Variants in LRRC4C observed in about 807,000 individuals in gnomAD.
LRRC4C encodes leucine rich repeat containing 4C.
A neutral mutation model predicts 33.6 loss-of-function variants in LRRC4C; 5 were observed. The ratio of observed to expected loss-of-function variants is 0.15; its 90% CI spans 0.08 to 0.31. LRRC4C has a LOEUF of 0.31. Among genes scored for constraint, LRRC4C ranks in the 10% least tolerant of loss-of-function variants. The pLI is 1.00. For missense variants in LRRC4C, 560 were observed against 796.7 expected (o/e 0.70, Z 3.58); for synonymous variants, 329 against 302.0 (o/e 1.09, Z -0.93).
At position 40,893,641 on chromosome 11, in the gene LRRC4C, A is replaced by G. The variant is rs193194639; in HGVS notation, c.-407+39994T>C. On this transcript the variant is annotated intron_variant, in intron 2 of 6. Coordinates refer to ENST00000528697, the MANE Select transcript of LRRC4C (RefSeq NM_001258419.2). The stretch of plus-strand genomic sequence containing the variant: ...TGATTTAATCTCACAGGCACTTATT[A>G]AGGGCATATAATTGGTTTTACACAG... 6.6e-5 allele frequency among the ~76,000 whole-genome samples: 10 copies of G among 152,220 alleles called. No individual in the cohort carries two copies. In the East Asian group the frequency reaches 1.7e-3, roughly 26 times the overall value.
At chr11:40,756,757 A>G (rs142028430) in intron 2 of LRRC4C, among the ~76,000 whole-genome samples, 1 of 152,044 alleles carries the variant, frequency 6.6e-6, no homozygotes, top group African/African-American at 2.4e-5. Context: ...ATTTTCACAA[A>G]TATTACCTAG....
chr11:40,534,082 T>C (rs902102548), intron 3 of LRRC4C, among the ~76,000 whole-genome samples: 4 of 152,164 alleles, frequency 2.6e-5, no homozygotes, highest in Non-Finnish European at 4.4e-5. Flanking sequence ...ACTTATTAGA[T>C]AAGTGAATTC....
intron 3 of LRRC4C, among the ~76,000 whole-genome samples, chr11:40,620,218 A>G (rs187242541): frequency 4.0e-4 from 61 of 151,842 alleles, no homozygotes; most frequent in Non-Finnish European, 6.3e-4. Flanking sequence ...GACCTCTTCT[A>G]TGCTTTCCAT....
At chr11:40,193,521 A>T (rs990754422) in intron 5 of LRRC4C, among the ~76,000 whole-genome samples, 1 of 152,208 alleles carries the variant, frequency 6.6e-6, no homozygotes, top group Admixed American at 6.5e-5. Context: ...AAAGGCTGAA[A>T]ATTCCAAAAA....
At chr11:40,505,392 G>T (rs1954983170) in intron 3 of LRRC4C, among the ~76,000 whole-genome samples, 1 of 152,120 alleles carries the variant, frequency 6.6e-6, no homozygotes, top group South Asian at 2.1e-4. Context: ...AACAACAATA[G>T]ATTTACTGCC....
At chr11:40,684,293 A>G (rs1388368283) in intron 2 of LRRC4C, among the ~76,000 whole-genome samples, 1 of 152,116 alleles carries the variant, frequency 6.6e-6, no homozygotes, top group Non-Finnish European at 1.5e-5. Context: ...AAAAGAATCA[A>G]ATAAAACTAC....
At chr11:40,312,120 C>T (rs1028823376) in intron 4 of LRRC4C, among the ~76,000 whole-genome samples, 1 of 152,088 alleles carries the variant, frequency 6.6e-6, no homozygotes, top group African/African-American at 2.4e-5. Flanking sequence ...TTCTAACTCA[C>T]CAACTCCCTT....
intron 3 of LRRC4C, among the ~76,000 whole-genome samples, chr11:40,410,428 AT>A (rs1950116297): frequency 6.6e-6 from 1 of 152,118 alleles, no homozygotes; most frequent in South Asian, 2.1e-4. Flanking sequence ...GACTAGCCAT[AT>A]TTCAACTGCT....
chr11:41,305,913 T>TA (rs202068691), intron 1 of LRRC4C, among the ~76,000 whole-genome samples: 71 of 82,656 alleles, frequency 8.6e-4, no homozygotes, highest in South Asian at 1.5e-3. Flanking sequence ...AAAAATAAAT[T>TA]AAAAAAAAAT....
intron 3 of LRRC4C, among the ~76,000 whole-genome samples, chr11:40,495,244 G>A (rs1954368662): frequency 6.6e-6 from 1 of 152,106 alleles, no homozygotes; most frequent in Non-Finnish European, 1.5e-5. Flanking sequence ...TTTGTGCGAA[G>A]CGAGGAGGTT....
chr11:41,302,877 A>G (rs1280383479), intron 1 of LRRC4C, among the ~76,000 whole-genome samples: 1 of 152,130 alleles, frequency 6.6e-6, no homozygotes. Flanking sequence ...TTTTCTCTTC[A>G]GTGCTGTGAC....
In LRRC4C at chr11:40,231,987, A is replaced by C. The variant is rs567017295; in HGVS notation, c.-96+9532T>G. Reference sequence around the variant, plus strand: ...TAGTGGCTAAAAATGGAAACAGAAGAGTCAACTTTGTCTTTTAGCTAGGTA... The same window carrying C: ...TAGTGGCTAAAAATGGAAACAGAAGCGTCAACTTTGTCTTTTAGCTAGGTA... On this transcript the variant is annotated intron_variant, in intron 5 of 6. Coordinates refer to ENST00000528697, the MANE Select transcript of LRRC4C (RefSeq NM_001258419.2). 2.2e-4 allele frequency among the ~76,000 whole-genome samples: 34 copies of C among 152,260 alleles called. No individual in the cohort carries two copies. In the South Asian group the frequency reaches 6.6e-3, roughly 30 times the overall value.
At chr11:40,556,222 A>G (rs1957327248) in intron 3 of LRRC4C, among the ~76,000 whole-genome samples, 1 of 152,250 alleles carries the variant, frequency 6.6e-6, no homozygotes, top group Non-Finnish European at 1.5e-5. Context: ...CATAAGTAGT[A>G]TATTTTGCCT....
chr11:40,990,096 C>T (rs1325078843), intron 1 of LRRC4C, among the ~76,000 whole-genome samples: 2 of 150,670 alleles, frequency 1.3e-5, no homozygotes, highest in Non-Finnish European at 3.0e-5. Context: ...AACTAATCCC[C>T]CAAGGATACT....
chr11:41,395,853 A>G (rs1325274687), intron 1 of LRRC4C, among the ~76,000 whole-genome samples: 1 of 151,988 alleles, frequency 6.6e-6, no homozygotes, highest in East Asian at 1.9e-4. Context: ...CTTCTAACCA[A>G]AAAGTACTGC....
chr11:40,273,716 C>T (rs912088783), intron 4 of LRRC4C, among the ~76,000 whole-genome samples: 1 of 152,122 alleles, frequency 6.6e-6, no homozygotes, highest in Admixed American at 6.6e-5. Flanking sequence ...ATTGTAAACA[C>T]AGTTCTGTGA....
intron 3 of LRRC4C, among the ~76,000 whole-genome samples, chr11:40,510,391 G>T (rs1371674): frequency 0.57 from 86,920 of 151,606 alleles, 25,287 homozygotes; most frequent in East Asian, 0.79. Context: ...AGTTGATTTC[G>T]TAACAAACAC....
downstream of LRRC4C, chr11:40,114,206 T>C: frequency 1.2e-5 from 9 of 766,426 alleles, no homozygotes; most frequent in Non-Finnish European, 1.7e-5. Context: ...TAATTTTGTC[T>C]GCTTTAGATC....
At chr11:41,381,738 T>A (rs1953162704) in intron 1 of LRRC4C, among the ~76,000 whole-genome samples, 1 of 151,682 alleles carries the variant, frequency 6.6e-6, no homozygotes, top group Admixed American at 6.6e-5. Flanking sequence ...TAAGAAAAAC[T>A]GAAAATTTAA....
Sources: allele counts gnomAD v4.1 joint callset (sites outside exome capture counted in the v4.1 genomes callset), GRCh38; gene constraint gnomAD v4.1.1; transcripts MANE v1.5; gene names NCBI Gene and HGNC (gene_info 2026-07-23, HGNC 2026-07-21).